The following RTTN variants were observed in gnomAD, a reference collection of about 807,000 sequenced individuals.
RTTN encodes rotatin.
In RTTN, 182 loss-of-function variants were observed where a neutral mutation model predicts 269.2. That is an observed-to-expected ratio of 0.68 (90% CI 0.60 to 0.76). The LOEUF is 0.76. Among genes scored for constraint, RTTN ranks in the 30% least tolerant of loss-of-function variants. RTTN has a pLI of 0.00. For synonymous variants in RTTN, 1,006 were observed against 963.5 expected (o/e 1.04, Z -0.82); for missense variants, 2,545 against 2,608.6 (o/e 0.98, Z 0.53).
chr18:70,100,286 C>A lies in RTTN; in HGVS notation c.3904-7482G>T, dbSNP rs992231565. Among the ~76,000 whole-genome samples, 6 of 150,280 alleles carry A rather than the reference C, an allele frequency of 4.0e-5. No individual in the cohort carries two copies. In the South Asian group the frequency reaches 6.2e-4, roughly 16 times the overall value. ...AGTGGTTTGCAGTTCTCCTTGAAGA[C>A]GTCCTTCACATCCCTTGTAAGTTGG... is the stretch of plus-strand genomic sequence containing the variant. On this transcript the variant is annotated intron_variant, in intron 28 of 48. Coordinates refer to ENST00000640769, the MANE Select transcript of RTTN (RefSeq NM_173630.4).
intron 43 of RTTN, among the ~76,000 whole-genome samples, chr18:70,026,187 G>A (rs774611616): frequency 9.2e-5 from 14 of 152,110 alleles, no homozygotes; most frequent in Non-Finnish European, 1.3e-4. Flanking sequence ...TGCCAACAAC[G>A]CTTAAGCACG....
intron 18 of RTTN, 151 bp from the exon 19 acceptor site, chr18:70,142,538 T>C: frequency 1.6e-6 from 1 of 608,456 alleles, no homozygotes; most frequent in Non-Finnish European, 2.9e-6. Context: ...CACACAATGC[T>C]GGGTTAAGTA....
intron 14 of RTTN, among the ~76,000 whole-genome samples, chr18:70,163,828 T>C (rs2060912158): frequency 6.6e-6 from 1 of 152,186 alleles, no homozygotes; most frequent in Non-Finnish European, 1.5e-5. Flanking sequence ...CTTTTAGATT[T>C]TGGATTTTCA....
intron 46 of RTTN, among the ~76,000 whole-genome samples, chr18:70,010,663 T>C (rs1164738692): frequency 6.6e-6 from 1 of 151,896 alleles, no homozygotes; most frequent in African/African-American, 2.4e-5. Flanking sequence ...CACCCTAACA[T>C]CACAATTAAA....
At chr18:70,058,608 T>C (rs779920665) in intron 36 of RTTN, among the ~76,000 whole-genome samples, 25 of 152,156 alleles carry the variant, frequency 1.6e-4, no homozygotes, top group Admixed American at 8.5e-4. Context: ...GGAAATATGA[T>C]AAGCCTTTGC....
chr18:70,030,929 GC>G lies in RTTN; in HGVS notation c.5593del (p.Ala1865HisfsTer2). Reference sequence around the variant, plus strand: ...ACTGACAGCCAGCAGTGACATCAATGCATTTGCAGCTACTCTTTTCAGGATA... The same window carrying G: ...ACTGACAGCCAGCAGTGACATCAATGATTTGCAGCTACTCTTTTCAGGATA... ...KDILKRVAAN[A>X]LMSLLAVSRR... On this transcript the variant is annotated frameshift_variant, in exon 41 of 49. Transcript: ENST00000640769. LOFTEE classifies it high-confidence loss of function. The G allele has an allele frequency of 6.2e-7, 1 of 1,613,672 alleles. No homozygotes were observed. Among genetic ancestry groups the G allele is most frequent in the Non-Finnish European group, 8.5e-7 (1 of 1,179,864 alleles).
chr18:70,059,196 G>A (rs934576964), intron 36 of RTTN, among the ~76,000 whole-genome samples: 5 of 152,082 alleles, frequency 3.3e-5, no homozygotes, highest in Non-Finnish European at 7.4e-5. Flanking sequence ...GACACAGTAG[G>A]GAGTAATTTC....
intron 31 of RTTN, among the ~76,000 whole-genome samples, chr18:70,087,294 A>G (rs1281772118): frequency 6.6e-6 from 1 of 152,224 alleles, no homozygotes; most frequent in Non-Finnish European, 1.5e-5. Context: ...GATTCTAAGA[A>G]ACTGACATTT....
intron 10 of RTTN, among the ~76,000 whole-genome samples, chr18:70,181,530 G>A (rs1395100574): frequency 1.3e-5 from 2 of 152,052 alleles, no homozygotes; most frequent in Admixed American, 6.5e-5. Flanking sequence ...ATTAAGGGGG[G>A]AAATTGAAAT....
At chr18:70,123,180 C>T (rs1241681538) in intron 25 of RTTN, among the ~76,000 whole-genome samples, 2 of 152,042 alleles carry the variant, frequency 1.3e-5, no homozygotes. Context: ...ATAACATGCA[C>T]CAAACTATAT....
chr18:70,123,005 T>C (rs2059777488), intron 25 of RTTN, among the ~76,000 whole-genome samples: 1 of 152,120 alleles, frequency 6.6e-6, no homozygotes, highest in South Asian at 2.1e-4. Context: ...CACTCTTTCC[T>C]AACTCAGGGC....
intron 40 of RTTN, among the ~76,000 whole-genome samples, chr18:70,038,705 A>G (rs1039557938): frequency 1.9e-4 from 29 of 152,228 alleles, no homozygotes; most frequent in Non-Finnish European, 1.2e-4. Flanking sequence ...CATCCAGGAA[A>G]AAATGACCCC....
At chr18:70,156,509 G>C (rs2060680233) in intron 14 of RTTN, among the ~76,000 whole-genome samples, 1 of 152,092 alleles carries the variant, frequency 6.6e-6, no homozygotes, top group African/African-American at 2.4e-5. Flanking sequence ...ATCTCGCCCT[G>C]CCTCCATTTG....
Position 70,149,001 on chromosome 18 carries a change from T to G in RTTN, c.2209A>C (p.Ile737Leu). The change falls in exon 17 of 49, where the codon ATT becomes CTT. Residue 737 changes from isoleucine to leucine, a missense_variant. Physicochemically the swap from Ile to Leu is conservative, Grantham distance 5. Transcript: ENST00000640769. Reference protein sequence around the residue: ...ADTEDPLGNCILLLSKASSDT... With the variant: ...ADTEDPLGNCLLLLSKASSDT... Reference sequence around the variant, plus strand: ...GAACTTGCTTTGCTTAGAAGGAGAATGCAGTTACCCAGAGGATCTTCTGTG... The same window carrying G: ...GAACTTGCTTTGCTTAGAAGGAGAAGGCAGTTACCCAGAGGATCTTCTGTG... 6.2e-7 allele frequency: 1 copy of G among 1,613,532 alleles called. No homozygotes were observed. Among genetic ancestry groups the G allele is most frequent in the Non-Finnish European group, 8.5e-7 (1 of 1,179,586 alleles).
intron 8 of RTTN, chr18:70,193,011 T>C: frequency 3.6e-6 from 1 of 280,894 alleles, no homozygotes; most frequent in Non-Finnish European, 6.5e-6. Context: ...GAACATTTTG[T>C]TTTGGGGGAC....
chr18:70,148,316 C>G (rs2060449102), intron 17 of RTTN, among the ~76,000 whole-genome samples: 2 of 152,098 alleles, frequency 1.3e-5, no homozygotes, highest in Admixed American at 1.3e-4. Context: ...AGAAAAGATT[C>G]ATGTTGCAAT....
At chr18:70,009,207 C>G (rs2056292415) in intron 46 of RTTN, among the ~76,000 whole-genome samples, 1 of 149,616 alleles carries the variant, frequency 6.7e-6, no homozygotes, top group Non-Finnish European at 1.5e-5. Context: ...GAGATCTCGG[C>G]TCACTGCAAC....
intron 26 of RTTN, among the ~76,000 whole-genome samples, chr18:70,120,911 C>T (rs1303420420): frequency 1.3e-5 from 2 of 151,904 alleles, no homozygotes; most frequent in Admixed American, 6.6e-5. Context: ...ATTAGCTGGG[C>T]GTGGTGGCAG....
At chr18:70,109,446 T>C in intron 28 of RTTN, 52 bp downstream of exon 28, 1 of 1,416,716 alleles carries the variant, frequency 7.1e-7, no homozygotes. Context: ...TGGCCTGGCA[T>C]AAAGTAAAAG....
Sources: allele counts gnomAD v4.1 joint callset (sites outside exome capture counted in the v4.1 genomes callset), GRCh38; gene constraint gnomAD v4.1.1; transcripts MANE v1.5; gene names NCBI Gene and HGNC (gene_info 2026-07-23, HGNC 2026-07-21).